The following RAB40C variants were observed in gnomAD, a reference collection of about 807,000 sequenced individuals.
RAB40C encodes RAB40C, member RAS oncogene family.
RAB40C carries 8 observed loss-of-function variants against 28.1 expected under a neutral mutation model. That is an observed-to-expected ratio of 0.28 (90% CI 0.17 to 0.51). The LOEUF (loss-of-function observed/expected upper bound fraction) is 0.51. Ranked by LOEUF, RAB40C falls within the 20% of genes least tolerant of loss-of-function variation. The pLI is 0.97. For synonymous variants in RAB40C, 201 were observed against 171.7 expected (o/e 1.17, Z -1.34); for missense variants, 288 against 405.9 (o/e 0.71, Z 2.50).
chr16:627,110 C>T (rs979183885), intron 5 of RAB40C, among the ~76,000 whole-genome samples: 1 of 152,246 alleles, frequency 6.6e-6, no homozygotes, highest in African/African-American at 2.4e-5. Flanking sequence ...AGCCCCGCAG[C>T]AGCACCGCCC....
At chr16:607,055 G>A (rs1192857817) in intron 1 of RAB40C, among the ~76,000 whole-genome samples, 1 of 152,186 alleles carries the variant, frequency 6.6e-6, no homozygotes, top group Non-Finnish European at 1.5e-5. Context: ...CCACTTCCGA[G>A]CCGAGGGTGC....
chr16:617,124 T>G (rs547615790), intron 1 of RAB40C, 84 bp from the exon 2 acceptor site: 1 of 1,439,222 alleles, frequency 6.9e-7, no homozygotes, highest in East Asian at 2.3e-5. Context: ...GTCTTGGCCC[T>G]GGGAGGCCAG....
At position 626,102 on chromosome 16, in the gene RAB40C, G is replaced by A. The variant is rs2036825364; in HGVS notation, c.546G>A (p.Lys182=). ...RIVLMRHGME[K]IWRPNRVFSL... ...TGCTCATGCGGCACGGCATGGAGAA[G>A]ATCTGGAGGCCCAACCGAGGTGGGT... The change falls in exon 5 of 6, where the codon AAG becomes AAA. Residue 182 remains lysine, a synonymous_variant. Transcript: ENST00000248139. 1 of 1,613,064 alleles carries A rather than the reference G, an allele frequency of 6.2e-7. No individual in the cohort carries two copies. The highest frequency in any genetic ancestry group is 8.5e-7 in the Non-Finnish European group (1 of 1,179,918).
chr16:590,828 AGGGAAGGTGTCATGGGCTCGG>A (rs1451110120), intron 1 of RAB40C, among the ~76,000 whole-genome samples: 2 of 142,314 alleles, frequency 1.4e-5, no homozygotes, highest in African/African-American at 2.7e-5. Context: ...CTGGGGTCCG[AGGGAAGGTGTCATGGGCTCGG>A]GGGAAGGTGT....
rs1057450215 is a variant in RAB40C, at chr16:627,566, C to T, written c.790C>T (p.Arg264Cys). 2.5e-6 allele frequency: 4 copies of T among 1,612,176 alleles called. No individual in the cohort carries two copies. The highest frequency in any genetic ancestry group is 3.4e-6 in the Non-Finnish European group (4 of 1,179,074). Residue 264 changes from arginine (R) to cysteine (C), a missense_variant, in exon 6 of 6, where the codon CGT (arginine) becomes TGT (cysteine). Transcript: ENST00000248139. ...CAGCCTCAAGAGGTCCAAGTCCATC[C>T]GTCCACCCCAGAGCCCCCCCCAGAA... ...GNSLKRSKSI[R>C]PPQSPPQNCS...
intron 3 of RAB40C, among the ~76,000 whole-genome samples, chr16:623,330 T>C (rs1232744528): frequency 2.0e-5 from 3 of 152,214 alleles, no homozygotes; most frequent in African/African-American, 7.2e-5. Context: ...GTGTAATGTG[T>C]TGTGTGTTCA....
intron 2 of RAB40C, 61 bp downstream of exon 2, chr16:617,329 A>C: frequency 6.3e-7 from 1 of 1,586,188 alleles, no homozygotes. Flanking sequence ...AAGGGAGAAC[A>C]GAACCCTTAG....
At chr16:600,289 G>A (rs1466018702) in intron 1 of RAB40C, among the ~76,000 whole-genome samples, 1 of 152,220 alleles carries the variant, frequency 6.6e-6, no homozygotes, top group Non-Finnish European at 1.5e-5. Flanking sequence ...CCTCCTGGTG[G>A]GGAGGGATAG....
intron 1 of RAB40C, among the ~76,000 whole-genome samples, chr16:603,042 G>A (rs951056068): frequency 3.3e-5 from 5 of 152,164 alleles, no homozygotes; most frequent in South Asian, 2.1e-4. Flanking sequence ...GAACCGTGGC[G>A]CTGAAGCAAT....
chr16:618,492 C>T (rs1473262055), intron 3 of RAB40C, among the ~76,000 whole-genome samples: 4 of 152,252 alleles, frequency 2.6e-5, no homozygotes, highest in Non-Finnish European at 5.9e-5. Flanking sequence ...CGGGTTCAAG[C>T]GATTCTCCTG....
chr16:619,137 G>A (rs1480472305), intron 3 of RAB40C, among the ~76,000 whole-genome samples: 2 of 149,242 alleles, frequency 1.3e-5, no homozygotes, highest in African/African-American at 2.5e-5. Context: ...TGTGTGCAGT[G>A]TGTGCTCAGG....
At chr16:622,474 C>T (rs138746680) in intron 3 of RAB40C, among the ~76,000 whole-genome samples, 26 of 152,300 alleles carry the variant, frequency 1.7e-4, no homozygotes, top group African/African-American at 5.1e-4. Flanking sequence ...AGGGCGAGCG[C>T]GCGTCCTGAC....
At chr16:613,584 C>T (rs145695945) in intron 1 of RAB40C, among the ~76,000 whole-genome samples, 72 of 152,356 alleles carry the variant, frequency 4.7e-4, no homozygotes, top group Non-Finnish European at 9.0e-4. Context: ...CTCTGCTGAA[C>T]GATGATGTGG....
chr16:611,450 A>T (rs868761941), intron 1 of RAB40C, among the ~76,000 whole-genome samples: 1 of 152,224 alleles, frequency 6.6e-6, no homozygotes, highest in East Asian at 1.9e-4. Flanking sequence ...TGGGGGCTTC[A>T]ACAGCCAGGA....
At chr16:599,255 G>C (rs150245124) in intron 1 of RAB40C, among the ~76,000 whole-genome samples, 1 of 152,264 alleles carries the variant, frequency 6.6e-6, no homozygotes, top group African/African-American at 2.4e-5. Flanking sequence ...TGTGCCACCA[G>C]CTTTGCTCCG....
Position 613,546 on chromosome 16 carries a change from G to A in RAB40C, c.143-3662G>A, listed in dbSNP as rs139397924. 1.5e-4 allele frequency among the ~76,000 whole-genome samples: 23 copies of A among 152,392 alleles called. No individual in the cohort carries two copies. The East Asian group carries it at 3.7e-3, about 24-fold the overall frequency. On this transcript the variant is annotated intron_variant, in intron 1 of 5. Transcript: ENST00000248139. The stretch of plus-strand genomic sequence containing the variant: ...TTGCCCTTTTCTGCGAGGCTGGATC[G>A]TGGTGCGGTGGTGGCTTGGATGGGT...
At chr16:609,675 A>G (rs1311898440) in intron 1 of RAB40C, among the ~76,000 whole-genome samples, 1 of 152,258 alleles carries the variant, frequency 6.6e-6, no homozygotes, top group Non-Finnish European at 1.5e-5. Context: ...GGGAACGCTC[A>G]GAGCACCGGA....
chr16:613,928 C>T (rs867578562), intron 1 of RAB40C, among the ~76,000 whole-genome samples: 4 of 152,156 alleles, frequency 2.6e-5, no homozygotes, highest in African/African-American at 4.8e-5. Flanking sequence ...GGGGCAGTGA[C>T]GCAGCTTCAC....
rs1204694538 is a variant in RAB40C at position 610,025 on chromosome 16, C to A, written c.143-7183C>A. On this transcript the variant is annotated intron_variant, in intron 1 of 5. Coordinates refer to ENST00000248139, the MANE Select transcript of RAB40C (RefSeq NM_021168.5). This position sits in a 1 kb window ranked among gnomAD's most constrained non-coding sequence, Gnocchi z 4.6. Reference sequence around the variant, plus strand: ...CGGGAGGGTGGGGATGTGAACGGCACCAGCCTGGTGGCTCGGGTGCCAGGC... The same window carrying A: ...CGGGAGGGTGGGGATGTGAACGGCAACAGCCTGGTGGCTCGGGTGCCAGGC... Among the ~76,000 whole-genome samples, 2 of 152,214 alleles carry A rather than the reference C, an allele frequency of 1.3e-5. No homozygotes were observed. The highest frequency in any genetic ancestry group is 2.9e-5 in the Non-Finnish European group (2 of 68,034).
Sources: allele counts gnomAD v4.1 joint callset (sites outside exome capture counted in the v4.1 genomes callset), GRCh38; gene constraint gnomAD v4.1.1; non-coding constraint Gnocchi (gnomAD v3.1); transcripts MANE v1.5; gene names NCBI Gene and HGNC (gene_info 2026-07-23, HGNC 2026-07-21).